CPPED1: variants seen among roughly 807,000 people sequenced by gnomAD.
CPPED1 encodes serine/threonine-protein phosphatase CPPED1.
In CPPED1, 28 loss-of-function variants were observed where a neutral mutation model predicts 28.0. The observed-to-expected ratio is 1.00, with a 90% CI of 0.74 to 1.37. The LOEUF (loss-of-function observed/expected upper bound fraction) is 1.37, where lower values mean the gene tolerates loss of function less well. Among genes scored for constraint, CPPED1 ranks in the 40% most tolerant of loss-of-function variants. The pLI is 0.00. For missense variants in CPPED1, 504 were observed against 416.5 expected (o/e 1.21, Z -1.83); for synonymous variants, 198 against 180.2 (o/e 1.10, Z -0.79).
rs1045150834 is a variant in CPPED1, at chr16:12,660,802, T to C, written c.*4084A>G. The C allele has an allele frequency of 6.6e-6, 1 of 152,178 alleles. No individual in the cohort carries two copies. Among genetic ancestry groups the C allele is most frequent in the Non-Finnish European group, 1.5e-5 (1 of 68,044 alleles). 9.4% of individuals were successfully genotyped at this position (152,178 alleles called of 1,614,324 possible). On this transcript the variant is annotated 3_prime_UTR_variant, in exon 4 of 4. Coordinates refer to ENST00000381774, the MANE Select transcript of CPPED1 (RefSeq NM_018340.3). ...TGCACAAAACCATTTTAGGTACCAC[T>C]TGGGAATAAGTATTAAGAGTTCAAG...
At chr16:12,745,369 G>A (rs1395066370) in intron 2 of CPPED1, among the ~76,000 whole-genome samples, 3 of 152,136 alleles carry the variant, frequency 2.0e-5, no homozygotes, top group African/African-American at 7.2e-5. Flanking sequence ...TCACATGCAT[G>A]CGAATGTGCA....
At chr16:12,707,686 C>A (rs1251895340) in intron 2 of CPPED1, among the ~76,000 whole-genome samples, 1 of 152,104 alleles carries the variant, frequency 6.6e-6, no homozygotes, top group Non-Finnish European at 1.5e-5. Flanking sequence ...GGGAAGGAAA[C>A]CTTGTCTAGG....
intron 2 of CPPED1, among the ~76,000 whole-genome samples, chr16:12,780,732 TAAA>T (rs11321645): frequency 1.9e-4 from 27 of 140,308 alleles, no homozygotes; most frequent in Non-Finnish European, 2.0e-4. Flanking sequence ...ACACATACCT[TAAA>T]AAAAAAAAAA....
At chr16:12,762,284 C>T (rs1479969120) in intron 2 of CPPED1, among the ~76,000 whole-genome samples, 3 of 152,038 alleles carry the variant, frequency 2.0e-5, no homozygotes, top group Non-Finnish European at 2.9e-5. Flanking sequence ...ATGGTGAATT[C>T]AATTTCTTGG....
chr16:12,728,405 C>T (rs2080180531), intron 2 of CPPED1, among the ~76,000 whole-genome samples: 4 of 151,778 alleles, frequency 2.6e-5, no homozygotes, highest in Admixed American at 2.6e-4. Context: ...ATCCCTGATA[C>T]ATAAAAAAGC....
chr16:12,803,464 T>C (rs941952980), intron 1 of CPPED1, among the ~76,000 whole-genome samples: 5 of 152,204 alleles, frequency 3.3e-5, no homozygotes, highest in African/African-American at 1.2e-4. Context: ...ACTTCCCTTC[T>C]CTGGGGGAAG....
chr16:12,772,091 C>T (rs2080473516), intron 2 of CPPED1, among the ~76,000 whole-genome samples: 2 of 152,140 alleles, frequency 1.3e-5, no homozygotes, highest in Admixed American at 1.3e-4. Flanking sequence ...CCGCTGCACT[C>T]CAGCCTGGGC....
chr16:12,677,552 G>C (rs2141170248), intron 3 of CPPED1, among the ~76,000 whole-genome samples: 1 of 152,352 alleles, frequency 6.6e-6, no homozygotes, highest in African/African-American at 2.4e-5. Context: ...TGAGGCACGA[G>C]AATCACTTGA....
chr16:12,684,939 G>A (rs9925657), intron 3 of CPPED1, among the ~76,000 whole-genome samples: 6,284 of 152,204 alleles, frequency 0.041, 255 homozygotes, highest in African/African-American at 0.1. Context: ...TCTCCCCTTC[G>A]TTGATATTAT....
chr16:12,685,525 G>A (rs561374117), intron 3 of CPPED1, among the ~76,000 whole-genome samples: 84 of 152,272 alleles, frequency 5.5e-4, no homozygotes, highest in Middle Eastern at 6.8e-3. Flanking sequence ...AGTTTCAGAC[G>A]TAATGCGTTT....
intron 3 of CPPED1, among the ~76,000 whole-genome samples, chr16:12,675,898 T>C (rs2079875191): frequency 1.3e-5 from 2 of 152,194 alleles, no homozygotes; most frequent in Non-Finnish European, 2.9e-5. Flanking sequence ...TAGGTATAAA[T>C]AATCCCTCCT....
At chr16:12,713,527 A>G (rs10852355) in intron 2 of CPPED1, among the ~76,000 whole-genome samples, 124,383 of 151,970 alleles carry the variant, frequency 0.82, 51,506 homozygotes, top group African/African-American at 0.95. Context: ...CACAACACCC[A>G]GCCAATTTTT....
chr16:12,739,401 G>A (rs1227970001), intron 2 of CPPED1, among the ~76,000 whole-genome samples: 1 of 152,094 alleles, frequency 6.6e-6, no homozygotes, highest in Non-Finnish European at 1.5e-5. Context: ...CCAACATGGT[G>A]AAACTCTGTC....
chr16:12,690,331 C>T (rs9941036), intron 3 of CPPED1, among the ~76,000 whole-genome samples: 15,821 of 150,642 alleles, frequency 0.11, 888 homozygotes, highest in Middle Eastern at 0.17. Context: ...TTGGGCAACA[C>T]GGTGAAACCC....
At chr16:12,795,694 G>C (rs1272366439) in intron 1 of CPPED1, among the ~76,000 whole-genome samples, 1 of 152,216 alleles carries the variant, frequency 6.6e-6, no homozygotes, top group Admixed American at 6.5e-5. Flanking sequence ...TTAGTCCGGA[G>C]ACTCCATGGT....
chr16:12,740,119 G>C (rs2080247026), intron 2 of CPPED1, among the ~76,000 whole-genome samples: 1 of 152,010 alleles, frequency 6.6e-6, no homozygotes, highest in African/African-American at 2.4e-5. Flanking sequence ...AGGAAAGAAA[G>C]GAAAGAAAGA....
intron 3 of CPPED1, among the ~76,000 whole-genome samples, chr16:12,697,931 G>A (rs114550757): frequency 0.013 from 1,985 of 152,230 alleles, 46 homozygotes; most frequent in African/African-American, 0.045. Flanking sequence ...GGCCAATACA[G>A]TGAAACTATC....
intron 1 of CPPED1, among the ~76,000 whole-genome samples, chr16:12,790,645 T>G (rs2141244221): frequency 6.6e-6 from 1 of 152,208 alleles, no homozygotes; most frequent in Non-Finnish European, 1.5e-5. Flanking sequence ...CATTGGCCGG[T>G]CGCGGTGGCT....
intron 3 of CPPED1, among the ~76,000 whole-genome samples, chr16:12,699,609 G>C (rs2080009642): frequency 6.6e-6 from 1 of 152,120 alleles, no homozygotes; most frequent in Non-Finnish European, 1.5e-5. Flanking sequence ...GAAGGAAGCT[G>C]GGTTTTACCT....
Sources: gnomAD v4.1 joint callset for allele counts (sites outside exome capture counted in the v4.1 genomes callset) on GRCh38, gnomAD v4.1.1 for gene constraint, MANE v1.5 for transcripts, NCBI Gene and HGNC (gene_info 2026-07-23, HGNC 2026-07-21) for gene names.